Variants in SLC22A3 observed in about 807,000 individuals in gnomAD.
SLC22A3 encodes the protein EMT organic cation transporter 3.
Under a neutral mutation model 59.1 loss-of-function variants are expected in SLC22A3, and 51 were observed. That is an observed-to-expected ratio of 0.86 (90% CI 0.69 to 1.09). The LOEUF (loss-of-function observed/expected upper bound fraction) is 1.09, where lower values mean the gene tolerates loss of function less well. Ranked by LOEUF, SLC22A3 falls within the 50% of genes least tolerant of loss-of-function variation. SLC22A3 has a pLI of 0.00. For synonymous variants in SLC22A3, 325 were observed against 292.0 expected (o/e 1.11, Z -1.15); for missense variants, 711 against 726.3 (o/e 0.98, Z 0.24).
chr6:160,418,229 T>C (rs1787585194), intron 5 of SLC22A3, among the ~76,000 whole-genome samples: 1 of 152,196 alleles, frequency 6.6e-6, no homozygotes, highest in African/African-American at 2.4e-5. Context: ...AAAGGTGGGA[T>C]AGGATGTCTT....
chr6:160,418,098 G>A (rs2114876058), intron 5 of SLC22A3, among the ~76,000 whole-genome samples: 1 of 152,318 alleles, frequency 6.6e-6, no homozygotes, highest in South Asian at 2.1e-4. Flanking sequence ...GGCGTGTCTA[G>A]GAGGGTGTTG....
intron 1 of SLC22A3, among the ~76,000 whole-genome samples, chr6:160,389,003 G>A (rs1353399089): frequency 6.6e-6 from 1 of 152,190 alleles, no homozygotes; most frequent in African/African-American, 2.4e-5. Flanking sequence ...GGCACTGGCT[G>A]TCAGTTACCC....
In SLC22A3 at chr6:160,407,042, T is replaced by C. The variant is rs1291905708; in HGVS notation, c.535T>C (p.Tyr179His). 5 of 1,613,108 alleles carry C rather than the reference T, an allele frequency of 3.1e-6. No homozygotes were observed. The South Asian group carries it at 5.5e-5, about 18-fold the overall frequency. ...TCTTTTCCTGTCTTTCTCAAAAAGG[T>C]ATGGCAGGATCGTCATTTACTTGCT... ...AFTLGYAADR[Y>H]GRIVIYLLSC... Residue 179 changes from tyrosine (Y) to histidine (H), a missense_variant and splice_region_variant, in exon 3 of 11, where the codon TAT (tyrosine) becomes CAT (histidine). Physicochemically the swap from Tyr to His is moderately conservative, Grantham distance 83 (BLOSUM62 2). Coordinates refer to ENST00000275300, the MANE Select transcript of SLC22A3 (RefSeq NM_021977.4).
chr6:160,437,256 C>A, intron 7 of SLC22A3, 45 bp downstream of exon 7: 1 of 1,578,146 alleles, frequency 6.3e-7, no homozygotes, highest in Non-Finnish European at 8.7e-7. Flanking sequence ...GACTTGAAAA[C>A]ACCTAAATCC....
intron 5 of SLC22A3, among the ~76,000 whole-genome samples, chr6:160,420,823 G>A (rs1787700165): frequency 6.6e-6 from 1 of 152,222 alleles, no homozygotes; most frequent in South Asian, 2.1e-4. Flanking sequence ...GGGCCCTGAT[G>A]CCTAGAAGAA....
At chr6:160,418,734 G>T (rs1257650632) in intron 5 of SLC22A3, among the ~76,000 whole-genome samples, 2 of 152,026 alleles carry the variant, frequency 1.3e-5, no homozygotes, top group African/African-American at 4.8e-5. Flanking sequence ...GCCCCCAACT[G>T]CCCATTCCTC....
intron 1 of SLC22A3, among the ~76,000 whole-genome samples, chr6:160,376,347 G>A (rs1443834849): frequency 6.6e-6 from 1 of 152,022 alleles, no homozygotes; most frequent in Non-Finnish European, 1.5e-5. Context: ...TGGTTGGCGT[G>A]GGGGCAGGGG....
At chr6:160,348,981 A>G in intron 1 of SLC22A3, 133 bp downstream of exon 1, 1 of 1,512,988 alleles carries the variant, frequency 6.6e-7, no homozygotes, top group Non-Finnish European at 8.8e-7. Context: ...ACCTCTGGGG[A>G]CAGACAGGAT....
chr6:160,421,116 T>G (rs1583497644), intron 5 of SLC22A3, among the ~76,000 whole-genome samples: 2 of 152,208 alleles, frequency 1.3e-5, no homozygotes, highest in East Asian at 3.9e-4. Context: ...TAAAGCAAGA[T>G]GCTGACGCTG....
Position 160,348,529 on chromosome 6 carries a change from T to C in SLC22A3, c.110T>C (p.Val37Ala). 1 of 1,564,758 alleles carries C rather than the reference T, an allele frequency of 6.4e-7. No homozygotes were observed. The highest frequency in any genetic ancestry group is 2.5e-5 in the East Asian group (1 of 40,392). Reference sequence around the variant, plus strand: ...GGCGTCACCTTCGCCTTCCTCTTCGTCGGCGTGGTCTTCCTGGGCACGCAG... The same window carrying C: ...GGCGTCACCTTCGCCTTCCTCTTCGCCGGCGTGGTCTTCCTGGGCACGCAG... ...LTGVTFAFLF[V>A]GVVFLGTQPD... The change falls in exon 1 of 11, where the codon GTC becomes GCC. Residue 37 changes from valine to alanine, a missense_variant. By Grantham distance (64) the Val-to-Ala change is moderately conservative. Coordinates refer to ENST00000275300, the MANE Select transcript of SLC22A3 (RefSeq NM_021977.4).
chr6:160,450,772 C>G (rs1788923959), intron 10 of SLC22A3, among the ~76,000 whole-genome samples: 1 of 151,482 alleles, frequency 6.6e-6, no homozygotes, highest in African/African-American at 2.4e-5. Flanking sequence ...TCTGCTGTGG[C>G]TCCAGCTGGT....
intron 7 of SLC22A3, among the ~76,000 whole-genome samples, chr6:160,439,602 GAAAATATAACACCAAGA>G (rs1257285444): frequency 2.0e-5 from 3 of 152,120 alleles, no homozygotes; most frequent in Non-Finnish European, 4.4e-5. Context: ...TCATATATTG[GAAAATATAACACCAAGA>G]ACAGACTGTT....
chr6:160,396,072 T>C (rs927614536), intron 1 of SLC22A3, among the ~76,000 whole-genome samples: 1 of 152,190 alleles, frequency 6.6e-6, no homozygotes, highest in African/African-American at 2.4e-5. Context: ...CCTACATTCG[T>C]ACTCTTTCCC....
chr6:160,418,441 C>A (rs1437292380), intron 5 of SLC22A3, among the ~76,000 whole-genome samples: 2 of 152,208 alleles, frequency 1.3e-5, no homozygotes, highest in Non-Finnish European at 2.9e-5. Context: ...CTTCCTACCT[C>A]CTCAGCTTGC....
chr6:160,438,037 T>C (rs1788414417), intron 7 of SLC22A3, among the ~76,000 whole-genome samples: 1 of 151,768 alleles, frequency 6.6e-6, no homozygotes, highest in African/African-American at 2.4e-5. Flanking sequence ...ACTGCAGCAG[T>C]TTAGAGATGG....
At chr6:160,389,463 A>G (rs1159639282) in intron 1 of SLC22A3, among the ~76,000 whole-genome samples, 1 of 152,182 alleles carries the variant, frequency 6.6e-6, no homozygotes, top group African/African-American at 2.4e-5. Context: ...GTTCTTGTTC[A>G]CAGTGGGGAG....
intron 2 of SLC22A3, among the ~76,000 whole-genome samples, chr6:160,403,215 C>T (rs1256912082): frequency 2.0e-5 from 3 of 151,492 alleles, no homozygotes; most frequent in Non-Finnish European, 3.0e-5. Flanking sequence ...AAAGAGGGGA[C>T]ATTTTGACGG....
intron 2 of SLC22A3, among the ~76,000 whole-genome samples, chr6:160,406,387 T>A (rs982966070): frequency 2.6e-5 from 4 of 152,218 alleles, no homozygotes; most frequent in Non-Finnish European, 4.4e-5. Flanking sequence ...CACACCAGTC[T>A]CTCAGAATGT....
At chr6:160,373,442 A>T (rs780578851) in intron 1 of SLC22A3, among the ~76,000 whole-genome samples, 1 of 152,182 alleles carries the variant, frequency 6.6e-6, no homozygotes, top group Non-Finnish European at 1.5e-5. Flanking sequence ...GGTGTTTGTC[A>T]ACCCTTGCTG....
Sources: gnomAD v4.1 joint callset for allele counts (sites outside exome capture counted in the v4.1 genomes callset) on GRCh38, gnomAD v4.1.1 for gene constraint, MANE v1.5 for transcripts, NCBI Gene and HGNC (gene_info 2026-07-23, HGNC 2026-07-21) for gene names.